AP2B1: variants seen among roughly 807,000 people sequenced by gnomAD.
AP2B1 encodes AP-2 complex subunit beta.
Under a neutral mutation model 102.0 loss-of-function variants are expected in AP2B1, and 23 were observed. The ratio of observed to expected loss-of-function variants is 0.23; its 90% CI spans 0.16 to 0.32. The LOEUF (loss-of-function observed/expected upper bound fraction) is 0.32, where lower values mean the gene tolerates loss of function less well. Ranked by LOEUF, AP2B1 falls within the 10% of genes least tolerant of loss-of-function variation. The probability of loss-of-function intolerance (pLI) is 1.00; values close to 1 mark genes in which losing one functional copy is unlikely to be tolerated. For synonymous variants in AP2B1, 381 were observed against 421.2 expected (o/e 0.90, Z 1.17); for missense variants, 541 against 1,157.4 (o/e 0.47, Z 7.73).
At chr17:35,619,625 A>T (rs2074117990) in intron 5 of AP2B1, among the ~76,000 whole-genome samples, 1 of 151,512 alleles carries the variant, frequency 6.6e-6, no homozygotes, top group African/African-American at 2.4e-5. Context: ...TTTTATATAT[A>T]TGTTTGTGTT....
At chr17:35,686,615 C>T (rs1035721119) in intron 18 of AP2B1, among the ~76,000 whole-genome samples, 1 of 152,140 alleles carries the variant, frequency 6.6e-6, no homozygotes, top group African/African-American at 2.4e-5. Flanking sequence ...ATCATTCTTT[C>T]AAGTTTTCAG....
chr17:35,640,555 A>G (rs1290043659), intron 11 of AP2B1, among the ~76,000 whole-genome samples: 3 of 152,124 alleles, frequency 2.0e-5, no homozygotes, highest in Non-Finnish European at 4.4e-5. Context: ...CTGATTTCTA[A>G]TGTTAAAAAC....
At chr17:35,685,097 A>G (rs1304154238) in intron 18 of AP2B1, among the ~76,000 whole-genome samples, 1 of 152,190 alleles carries the variant, frequency 6.6e-6, no homozygotes, top group East Asian at 1.9e-4. Context: ...CAAACTTTAA[A>G]TTTTTCCATC....
intron 18 of AP2B1, among the ~76,000 whole-genome samples, chr17:35,708,929 A>G (rs587726920): frequency 6.6e-6 from 1 of 152,348 alleles, no homozygotes; most frequent in East Asian, 1.9e-4. Context: ...AGCAGCTACT[A>G]TTAATAATCA....
chr17:35,632,640 G>A (rs2074494459), intron 9 of AP2B1, among the ~76,000 whole-genome samples: 2 of 150,598 alleles, frequency 1.3e-5, no homozygotes, highest in Admixed American at 1.3e-4. Flanking sequence ...CTGTTCCTCT[G>A]CCATACTGCT....
chr17:35,619,489 AAAC>A (rs965359662), intron 5 of AP2B1, among the ~76,000 whole-genome samples: 29 of 151,808 alleles, frequency 1.9e-4, no homozygotes, highest in Non-Finnish European at 4.4e-5. Context: ...TTTAAAAAAA[AAAC>A]AAAAACAACC....
chr17:35,642,479 T>G (rs1431494745), intron 12 of AP2B1, among the ~76,000 whole-genome samples: 1 of 152,168 alleles, frequency 6.6e-6, no homozygotes, highest in African/African-American at 2.4e-5. Context: ...GAAAAGAAGT[T>G]TAGATGGATT....
chr17:35,597,204 GAA>G (rs2073319786), intron 2 of AP2B1: 2 of 432,692 alleles, frequency 4.6e-6, no homozygotes, highest in South Asian at 2.3e-5. Context: ...GAAGGTGGAG[GAA>G]AGTCTTTTGA....
chr17:35,679,370 T>C (rs993939469), intron 17 of AP2B1, among the ~76,000 whole-genome samples: 7 of 151,778 alleles, frequency 4.6e-5, no homozygotes, highest in Non-Finnish European at 8.8e-5. Flanking sequence ...AGGGCCCCCT[T>C]GGTAGAAAGG....
chr17:35,657,568 T>C, intron 13 of AP2B1, 31 bp from the exon 14 acceptor site: 1 of 1,582,076 alleles, frequency 6.3e-7, no homozygotes, highest in East Asian at 2.3e-5. Flanking sequence ...GACTTTTCTC[T>C]TTTCTCCATT....
chr17:35,660,098 TTA>T lies in AP2B1; in HGVS notation c.1989+2312_1989+2313del, dbSNP rs1422021926. 23 of 982,008 alleles carry T rather than the reference TTA, an allele frequency of 2.3e-5. No individual in the cohort carries two copies. The African/African-American group carries it at 3.7e-4, about 16-fold the overall frequency. The allele number at this position is 982,008 out of a possible 1,614,324, so 60.8% of individuals were successfully genotyped here. On this transcript the variant is annotated intron_variant, in intron 14 of 21. Coordinates refer to ENST00000610402, the MANE Select transcript of AP2B1 (RefSeq NM_001030006.2). The stretch of plus-strand genomic sequence containing the variant: ...CTTACAGAGTGCTTCTCAAAATAAA[TTA>T]TATACCTTGAATCTCCTAAAGATTT...
intron 14 of AP2B1, among the ~76,000 whole-genome samples, chr17:35,658,599 G>T (rs1347267399): frequency 1.3e-5 from 2 of 152,152 alleles, no homozygotes; most frequent in African/African-American, 4.8e-5. Context: ...AACTGTGGTG[G>T]AATTAGAGAG....
At chr17:35,613,542 A>G (rs1363665041) in intron 5 of AP2B1, among the ~76,000 whole-genome samples, 1 of 151,794 alleles carries the variant, frequency 6.6e-6, no homozygotes. Flanking sequence ...AAAAAATCTC[A>G]CTCTATTAAG....
intron 14 of AP2B1, among the ~76,000 whole-genome samples, chr17:35,662,457 C>T (rs1266413596): frequency 2.0e-5 from 3 of 150,796 alleles, no homozygotes; most frequent in Non-Finnish European, 4.4e-5. Context: ...TATAGGCTTG[C>T]TTGCAAAGTA....
At chr17:35,710,400 AC>A in intron 20 of AP2B1, 80 bp downstream of exon 20, 1 of 991,068 alleles carries the variant, frequency 1.0e-6, no homozygotes, top group South Asian at 1.5e-5. Flanking sequence ...TCTTTTGCCT[AC>A]CCTTTTATCC....
At chr17:35,670,697 T>C (rs1320310249) in intron 14 of AP2B1, among the ~76,000 whole-genome samples, 160 bp from the exon 15 acceptor site, 1 of 152,166 alleles carries the variant, frequency 6.6e-6, no homozygotes. Flanking sequence ...CTAGTACATA[T>C]TTCTTTGTAA....
At position 35,725,664 on chromosome 17, in the gene AP2B1, G is replaced by A. The variant is rs2085505474; in HGVS notation, c.*1965G>A. 6.6e-6 allele frequency: 1 copy of A among 152,664 alleles called. No individual in the cohort carries two copies. Among genetic ancestry groups the A allele is most frequent in the South Asian group, 2.1e-4 (1 of 4,824 alleles). The allele number at this position is 152,664 out of a possible 1,614,324, so 9.5% of individuals were successfully genotyped here. On this transcript the variant is annotated 3_prime_UTR_variant, in exon 22 of 22. Transcript: ENST00000610402. ...GGTGATGTGTGGAGCGGAAAAGCAG[G>A]TTGGTAAAGTTCCCTTCTTGGGACT...
chr17:35,605,253 C>CTT (rs145735360), intron 3 of AP2B1, among the ~76,000 whole-genome samples: 66 of 148,216 alleles, frequency 4.5e-4, no homozygotes, highest in African/African-American at 7.7e-4. Context: ...TTTTTTTTTC[C>CTT]TTTTTTTTTT....
At chr17:35,655,197 G>A (rs2075187397) in intron 13 of AP2B1, among the ~76,000 whole-genome samples, 1 of 152,116 alleles carries the variant, frequency 6.6e-6, no homozygotes, top group South Asian at 2.1e-4. Flanking sequence ...AGTCCAATCT[G>A]TTAGTAATAG....
Sources: allele counts gnomAD v4.1 joint callset (sites outside exome capture counted in the v4.1 genomes callset), GRCh38; gene constraint gnomAD v4.1.1; transcripts MANE v1.5; gene names NCBI Gene and HGNC (gene_info 2026-07-23, HGNC 2026-07-21).